Variants in CEP131 observed in about 807,000 individuals in gnomAD.
The protein encoded by CEP131 is centrosomal protein 131, also known as centrosomal protein of 131 kDa.
In CEP131, 99 loss-of-function variants were observed where a neutral mutation model predicts 136.8. The observed-to-expected ratio is 0.72, with a 90% CI of 0.62 to 0.86. CEP131 has a LOEUF of 0.86. Ranked by LOEUF, CEP131 falls within the 40% of genes least tolerant of loss-of-function variation. CEP131 has a pLI of 0.00. For missense variants in CEP131, 1,459 were observed against 1,463.0 expected (o/e 1.00, Z 0.04); for synonymous variants, 646 against 612.7 (o/e 1.05, Z -0.80).
rs759315684 is a variant in CEP131, at chr17:81,208,835, A to C, written c.272+93T>G. 1.0e-6 allele frequency: 1 copy of C among 987,968 alleles called. No individual in the cohort carries two copies. 61.2% of individuals were successfully genotyped at this position (987,968 alleles called of 1,614,324 possible). On this transcript the variant is annotated intron_variant, in intron 3 of 25. Coordinates refer to ENST00000450824, the MANE Select transcript of CEP131 (RefSeq NM_014984.4). This position sits in a 1 kb window ranked among gnomAD's most constrained non-coding sequence, Gnocchi z 5.6. Reference sequence around the variant, plus strand: ...GGCCCGGGACCCAGGAGGCTGGAGGAAGGGCAGAGCAGAGGCAGGGAGGAG... The same window carrying C: ...GGCCCGGGACCCAGGAGGCTGGAGGCAGGGCAGAGCAGAGGCAGGGAGGAG...
At chr17:81,207,262 C>T in intron 3 of CEP131, 23 bp from the exon 4 acceptor site, 1 of 1,608,070 alleles carries the variant, frequency 6.2e-7, no homozygotes, top group Non-Finnish European at 8.5e-7. Flanking sequence ...GAGGGCGGCA[C>T]ACAAGGAAAG....
intron 8 of CEP131, 170 bp from the exon 9 acceptor site, chr17:81,200,005 T>C (rs1021884648): frequency 1.1e-5 from 8 of 695,966 alleles, no homozygotes; most frequent in South Asian, 1.7e-5. Context: ...TTCTCTGCTC[T>C]ACAGAGGATG....
Position 81,199,456 on chromosome 17 carries a change from T to C in CEP131, c.1117A>G (p.Met373Val), listed in dbSNP as rs757082534. 3.1e-6 allele frequency: 5 copies of C among 1,608,500 alleles called. No homozygotes were observed. The African/African-American group carries it at 6.7e-5, about 21-fold the overall frequency. ...GACAGCTCCTGAGCAGGCTGCCGCA[T>C]TCCTGGCACTCTGGTCTCCCTGGGA... ...ENPRETRVPG[M>V]RQPAQELSPT... Residue 373 changes from methionine to valine, a missense_variant, in exon 10 of 26, where the codon ATG (methionine) becomes GTG (valine). By Grantham distance (21) the Met-to-Val change is conservative. This residue lies in a region of CEP131 where 1,026 missense variants were observed against 964.2 expected (regional missense o/e 1.06). Coordinates refer to ENST00000450824, the MANE Select transcript of CEP131 (RefSeq NM_014984.4).
At chr17:81,218,639 G>A (rs1283523425) in intron 2 of CEP131, among the ~76,000 whole-genome samples, 4 of 152,242 alleles carry the variant, frequency 2.6e-5, no homozygotes, top group East Asian at 1.9e-4. Context: ...CCGGGTCCCC[G>A]CCCTGCTGGC....
chr17:81,210,271 C>G (rs112064564), intron 2 of CEP131, among the ~76,000 whole-genome samples: 10,724 of 152,168 alleles, frequency 0.07, 548 homozygotes, highest in Middle Eastern at 0.15. Context: ...GGCAGATTAC[C>G]AGGTTAAGAG....
chr17:81,199,998 T>C (rs912878654), intron 8 of CEP131, 163 bp from the exon 9 acceptor site: 1 of 721,866 alleles, frequency 1.4e-6, no homozygotes, highest in Non-Finnish European at 2.4e-6. Flanking sequence ...CTGCCATTTC[T>C]CTGCTCTACA....
At position 81,203,728 on chromosome 17, in the gene CEP131, T is replaced by C; in HGVS notation, c.516-121A>G. On this transcript the variant is annotated intron_variant, in intron 5 of 25. Transcript: ENST00000450824. The surrounding 1 kb of genome is among the most constrained non-coding windows in gnomAD (Gnocchi z 4.6). ...AAGGCCTTCAGTGCTTGCTACGTGC[T>C]GGCAGCATTGTCGTCCAGTGTCCCC... 1.4e-6 allele frequency: 1 copy of C among 719,904 alleles called. No individual in the cohort carries two copies. Among genetic ancestry groups the C allele is most frequent in the East Asian group, 2.7e-5 (1 of 36,668 alleles). The allele number at this position is 719,904 out of a possible 1,614,324, so 44.6% of individuals were successfully genotyped here.
At chr17:81,213,431 C>T (rs191694090) in intron 2 of CEP131, among the ~76,000 whole-genome samples, 37 of 152,120 alleles carry the variant, frequency 2.4e-4, no homozygotes, top group African/African-American at 3.4e-4. Flanking sequence ...TGGTGGCACA[C>T]GCCTGTAGTT....
In CEP131 at chr17:81,206,723, G is replaced by A. The variant is rs758707353; in HGVS notation, c.515+21C>T. 6 of 1,593,644 alleles carry A rather than the reference G, an allele frequency of 3.8e-6. No homozygotes were observed. The East Asian group carries it at 1.3e-4, about 36-fold the overall frequency. ...GGAGCTTCCCACTGGTGCCCGTCGT[G>A]GGCACCTGCACAGGTCGTACCTGTT... On this transcript the variant is annotated intron_variant, in intron 5 of 25. Coordinates refer to ENST00000450824, the MANE Select transcript of CEP131 (RefSeq NM_014984.4).
chr17:81,195,116 G>A, intron 16 of CEP131, 144 bp from the exon 17 acceptor site: 2 of 589,282 alleles, frequency 3.4e-6, no homozygotes, highest in South Asian at 4.4e-5. Flanking sequence ...CCGAGACAGA[G>A]CCACTGCTGC....
intron 19 of CEP131, 61 bp from the exon 20 acceptor site, chr17:81,192,654 A>C (rs2061667268): frequency 1.7e-6 from 1 of 582,692 alleles, no homozygotes; most frequent in Non-Finnish European, 2.5e-6. Context: ...GGGATGGGAG[A>C]GGTCAGCGGG....
chr17:81,208,029 A>C lies in CEP131; in HGVS notation c.273-790T>G, dbSNP rs1598305706. On this transcript the variant is annotated intron_variant, in intron 3 of 25. Transcript: ENST00000450824. This position sits in a 1 kb window ranked among gnomAD's most constrained non-coding sequence, Gnocchi z 5.6. Reference sequence around the variant, plus strand: ...CACACACCACTCACACCACACACCCACACACCACACACCCCCCACACACAC... The same window carrying C: ...CACACACCACTCACACCACACACCCCCACACCACACACCCCCCACACACAC... Among the ~76,000 whole-genome samples, 1 of 50,568 alleles carries C rather than the reference A, an allele frequency of 2.0e-5. No homozygotes were observed. The highest frequency in any genetic ancestry group is 2.1e-4 in the Admixed American group (1 of 4,702). 33.2% of individuals were successfully genotyped at this position (50,568 alleles called of 152,430 possible). A position where few individuals can be genotyped will look rare whatever the true frequency, so the allele number is the denominator to read the frequency against.
Position 81,198,072 on chromosome 17 carries a change from G to C in CEP131, c.1470+43C>G, listed in dbSNP as rs754794771. ...CCACCGCATGCTCTGTGTGAATGGC[G>C]TGGGTGGACAGACTGTGCAGGGCGG... is the stretch of plus-strand genomic sequence containing the variant. On this transcript the variant is annotated intron_variant, in intron 12 of 25. Coordinates refer to ENST00000450824, the MANE Select transcript of CEP131 (RefSeq NM_014984.4). 4.6e-6 allele frequency: 7 copies of C among 1,515,142 alleles called. No homozygotes were observed. The South Asian group carries it at 8.6e-5, about 19-fold the overall frequency. The allele number at this position is 1,515,142 out of a possible 1,614,324, so 93.9% of individuals were successfully genotyped here. A position where few individuals can be genotyped will look rare whatever the true frequency, so the allele number is the denominator to read the frequency against.
intron 1 of CEP131, among the ~76,000 whole-genome samples, chr17:81,222,256 G>A (rs2146786162): frequency 6.6e-6 from 1 of 152,202 alleles, no homozygotes; most frequent in East Asian, 1.9e-4. Flanking sequence ...TGAAGGGGCG[G>A]GGACTGATGA....
intron 2 of CEP131, among the ~76,000 whole-genome samples, 191 bp from the exon 3 acceptor site, chr17:81,209,213 G>T (rs543461213): frequency 6.6e-6 from 1 of 152,266 alleles, no homozygotes; most frequent in East Asian, 1.9e-4. Flanking sequence ...GCAGCGCGAG[G>T]GGGGCTCAGG....
intron 15 of CEP131, among the ~76,000 whole-genome samples, 187 bp downstream of exon 15, chr17:81,196,514 C>CT (rs2061758055): frequency 2.0e-5 from 3 of 152,230 alleles, no homozygotes; most frequent in Non-Finnish European, 4.4e-5. Flanking sequence ...TGGATAAAGA[C>CT]AGGAGTGCCC....
At chr17:81,190,507 C>A (rs1216117931) in intron 24 of CEP131, 132 bp downstream of exon 24, 2 of 1,196,262 alleles carry the variant, frequency 1.7e-6, no homozygotes, top group African/African-American at 3.1e-5. Flanking sequence ...ACACCAGCCT[C>A]TGTCTACAGG....
chr17:81,210,063 G>C lies in CEP131; in HGVS notation c.178-1041C>G, dbSNP rs12952042. ...AAGCGGACGCTAAGCGAGGATCAGA[G>C]CGCTCGGAGAAGCGGACGCTAAGCG... On this transcript the variant is annotated intron_variant, in intron 2 of 25. Transcript: ENST00000450824. Among the ~76,000 whole-genome samples, 421 of 53,392 alleles carry C rather than the reference G, an allele frequency of 7.9e-3. 36 individuals are homozygous for C. Among genetic ancestry groups the C allele is most frequent in the African/African-American group, 9.7e-3 (140 of 14,492 alleles). 35.0% of individuals were successfully genotyped at this position (53,392 alleles called of 152,430 possible).
intron 3 of CEP131, among the ~76,000 whole-genome samples, chr17:81,207,917 TAACACAC>T (rs2062043687): frequency 2.0e-3 from 2 of 980 alleles, no homozygotes; most frequent in Non-Finnish European, 2.2e-3. Flanking sequence ...ACACACCACA[TAACACAC>T]ACACCACACA....
Sources: gnomAD v4.1 joint callset for allele counts (sites outside exome capture counted in the v4.1 genomes callset) on GRCh38, gnomAD v4.1.1 for gene constraint, gnomAD v4.1.1 regional missense constraint, Gnocchi (gnomAD v3.1) non-coding constraint, MANE v1.5 for transcripts, NCBI Gene and HGNC (gene_info 2026-07-23, HGNC 2026-07-21) for gene names.